Variants in RNF180 observed in about 807,000 individuals in gnomAD.
RNF180 encodes the protein ring finger protein 180.
In RNF180, 38 loss-of-function variants were observed where a neutral mutation model predicts 59.2. That is an observed-to-expected ratio of 0.64 (90% CI 0.50 to 0.84). RNF180 has a LOEUF of 0.84. Ranked by LOEUF, RNF180 falls within the 40% of genes least tolerant of loss-of-function variation. The pLI, the probability that RNF180 is intolerant of heterozygous loss-of-function variation, is 0.00. For missense variants in RNF180, 705 were observed against 700.9 expected, an observed-to-expected ratio of 1.01 and a Z score of -0.07; for synonymous variants, 262 against 240.3, an observed-to-expected ratio of 1.09 and a Z score of -0.84.
rs1272713716 is a variant in RNF180, at chr5:64,334,482, G to A, written c.1579+4076G>A. Reference sequence around the variant, plus strand: ...GTCTGTTGAGGCCTGAAAAAAAATCGCACATAGGATTTTAATCAGGAACTG... The same window carrying A: ...GTCTGTTGAGGCCTGAAAAAAAATCACACATAGGATTTTAATCAGGAACTG... On this transcript the variant is annotated intron_variant, in intron 7 of 7. Coordinates refer to ENST00000389100, the MANE Select transcript of RNF180 (RefSeq NM_001113561.2). Among the ~76,000 whole-genome samples, 4 of 151,750 alleles carry A rather than the reference G, an allele frequency of 2.6e-5. No individual in the cohort carries two copies. The South Asian group carries it at 6.3e-4, about 24-fold the overall frequency.
rs768105565 is a variant in RNF180, at chr5:64,214,354, C to T, written c.1028C>T (p.Pro343Leu). The change falls in exon 4 of 8, where the codon CCG (proline) becomes CTG (leucine). Residue 343 changes from proline (P) to leucine (L), a missense_variant. Pro to Leu is a moderately conservative substitution (Grantham distance 98). Coordinates refer to ENST00000389100, the MANE Select transcript of RNF180 (RefSeq NM_001113561.2). ...CTGCCCTCAGCTGGCAGGAGCATGCCGGAGGCCTCAGACCAGGAAGAGCAC... is the reference window on the plus strand; with the variant it reads ...CTGCCCTCAGCTGGCAGGAGCATGCTGGAGGCCTCAGACCAGGAAGAGCAC... The part of the protein sequence containing the change: ...MDLPSAGRSM[P>L]EASDQEEHLS... 2.7e-5 allele frequency: 43 copies of T among 1,613,848 alleles called. No individual in the cohort carries two copies. Among genetic ancestry groups the T allele is most frequent in the East Asian group, 6.7e-5 (3 of 44,884 alleles).
At chr5:64,216,039 A>T (rs907575245) in intron 4 of RNF180, among the ~76,000 whole-genome samples, 19 of 151,892 alleles carry the variant, frequency 1.3e-4, no homozygotes, top group African/African-American at 4.4e-4. Flanking sequence ...CATACATATG[A>T]TATAGCTTAA....
chr5:64,169,927 G>A (rs1168169047), intron 1 of RNF180, among the ~76,000 whole-genome samples: 3 of 152,222 alleles, frequency 2.0e-5, no homozygotes, highest in South Asian at 4.1e-4. Flanking sequence ...TAACAAAGCC[G>A]ATCCAAAAGG....
chr5:64,349,295 T>A (rs1745682500), intron 7 of RNF180, among the ~76,000 whole-genome samples: 2 of 152,036 alleles, frequency 1.3e-5, no homozygotes, highest in African/African-American at 4.8e-5. Context: ...AAGAAAGGAT[T>A]TTGTTGTTGT....
At chr5:64,190,574 T>A (rs1751094150) in intron 1 of RNF180, among the ~76,000 whole-genome samples, 1 of 152,184 alleles carries the variant, frequency 6.6e-6, no homozygotes, top group South Asian at 2.1e-4. Flanking sequence ...GAGGGAGGAA[T>A]GTTACAGATT....
At chr5:64,262,126 C>G (rs1039241931) in intron 5 of RNF180, among the ~76,000 whole-genome samples, 2 of 152,010 alleles carry the variant, frequency 1.3e-5, no homozygotes, top group Non-Finnish European at 2.9e-5. Context: ...GAGGATTCCC[C>G]CTGTGATCTT....
At chr5:64,166,283 A>T (rs576686205) in intron 1 of RNF180, 3 of 152,680 alleles carry the variant, frequency 2.0e-5, no homozygotes, top group Admixed American at 6.5e-5. Flanking sequence ...GAGGCCGGGG[A>T]AGGTGGGGTG....
intron 5 of RNF180, among the ~76,000 whole-genome samples, chr5:64,277,579 CAAA>C (rs1383735518): frequency 2.6e-5 from 4 of 152,038 alleles, no homozygotes; most frequent in Non-Finnish European, 5.9e-5. Flanking sequence ...CTGTAAATAA[CAAA>C]AACAGGATTG....
At chr5:64,363,955 G>A (rs1746352080) in intron 7 of RNF180, among the ~76,000 whole-genome samples, 1 of 151,836 alleles carries the variant, frequency 6.6e-6, no homozygotes. Context: ...AGAATCTGCT[G>A]AATTTGCTTA....
intron 5 of RNF180, among the ~76,000 whole-genome samples, chr5:64,253,506 T>C (rs1743718450): frequency 6.6e-6 from 1 of 152,178 alleles, no homozygotes; most frequent in South Asian, 2.1e-4. Flanking sequence ...TTTGATCCCC[T>C]GTAGTTTAAT....
At chr5:64,207,564 G>T (rs149311764) in intron 2 of RNF180, among the ~76,000 whole-genome samples, 2 of 152,260 alleles carry the variant, frequency 1.3e-5, no homozygotes, top group Non-Finnish European at 2.9e-5. Context: ...GTAGGAGCTG[G>T]CAAGTCAGTG....
intron 5 of RNF180, among the ~76,000 whole-genome samples, chr5:64,276,684 T>C (rs1048482415): frequency 6.6e-6 from 1 of 151,842 alleles, no homozygotes; most frequent in Non-Finnish European, 1.5e-5. Flanking sequence ...CTTTGATTTA[T>C]TAAAAAAATT....
intron 1 of RNF180, among the ~76,000 whole-genome samples, chr5:64,177,788 A>G (rs1750338205): frequency 6.6e-6 from 1 of 151,986 alleles, no homozygotes; most frequent in South Asian, 2.1e-4. Flanking sequence ...CTCTAGGTTA[A>G]AATAAACCAA....
rs940871654 is a variant in RNF180, at chr5:64,325,391, C to T, written c.1433C>T (p.Ser478Phe). 2 of 1,550,460 alleles carry T rather than the reference C, an allele frequency of 1.3e-6. No homozygotes were observed. The highest frequency in any genetic ancestry group is 1.4e-5 in the African/African-American group (1 of 73,028). Residue 478 changes from serine (S) to phenylalanine (F), a missense_variant, in exon 6 of 8, where the codon TCT becomes TTT. Physicochemically the swap from Ser to Phe is radical, Grantham distance 155. Transcript: ENST00000389100. Reference sequence around the variant, plus strand: ...TGCCCATTGTGTCGGACAATTATTTCTAGAGTCTTTTTCCAAACAGGTAAC... The same window carrying T: ...TGCCCATTGTGTCGGACAATTATTTTTAGAGTCTTTTTCCAAACAGGTAAC... ...TPCPLCRTII[S>F]RVFFQTELNN... is the part of the protein sequence containing the mutation.
chr5:64,292,386 T>G (rs1173864128), intron 5 of RNF180, among the ~76,000 whole-genome samples: 2 of 152,212 alleles, frequency 1.3e-5, no homozygotes, highest in Admixed American at 6.5e-5. Context: ...ATAGGGCTGC[T>G]GTGGCTTGCT....
intron 7 of RNF180, among the ~76,000 whole-genome samples, chr5:64,338,971 GTATT>G (rs1561270542): frequency 6.6e-6 from 1 of 151,952 alleles, no homozygotes; most frequent in Non-Finnish European, 1.5e-5. Flanking sequence ...GAGTAAAATT[GTATT>G]TATTTTTTAT....
rs1201443909 is a variant in RNF180 at position 64,280,229 on chromosome 5, C to CA, written c.1228-44956dup. On this transcript the variant is annotated intron_variant, in intron 5 of 7. Coordinates refer to ENST00000389100, the MANE Select transcript of RNF180 (RefSeq NM_001113561.2). ...CTGGATATTAGACCTTTGTTGGATG[C>CA]ATAGTTTGCAAATATTTTCTTCCAT... 5.3e-5 allele frequency among the ~76,000 whole-genome samples: 8 copies of CA among 152,148 alleles called. No homozygotes were observed. The East Asian group carries it at 1.5e-3, about 29-fold the overall frequency.
chr5:64,200,018 A>T (rs1751660732), intron 1 of RNF180, among the ~76,000 whole-genome samples: 1 of 152,214 alleles, frequency 6.6e-6, no homozygotes, highest in Non-Finnish European at 1.5e-5. Context: ...AATTTAAGGT[A>T]GGCACTTCCA....
chr5:64,331,014 T>A (rs1490171103), intron 7 of RNF180, among the ~76,000 whole-genome samples: 1 of 152,100 alleles, frequency 6.6e-6, no homozygotes, highest in Non-Finnish European at 1.5e-5. Flanking sequence ...TGGCACCCAC[T>A]CCAATTTCAC....
Sources: gnomAD v4.1 joint callset for allele counts (sites outside exome capture counted in the v4.1 genomes callset) on GRCh38, gnomAD v4.1.1 for gene constraint, MANE v1.5 for transcripts, NCBI Gene and HGNC (gene_info 2026-07-23, HGNC 2026-07-21) for gene names.